Variants in STON2 observed in about 807,000 individuals in gnomAD.
STON2 encodes stonin-2.
A neutral mutation model predicts 65.7 loss-of-function variants in STON2; 29 were observed. The observed-to-expected ratio is 0.44, with a 90% CI of 0.33 to 0.60. The LOEUF (loss-of-function observed/expected upper bound fraction) is 0.60. STON2 is among the 20% of genes least tolerant of loss of function. The pLI, the probability that STON2 is intolerant of heterozygous loss-of-function variation, is 0.03. For synonymous variants in STON2, 404 were observed against 414.2 expected (o/e 0.98, Z 0.30); for missense variants, 1,054 against 1,118.1 (o/e 0.94, Z 0.82).
chr14:81,300,025 T>C (rs10450938), intron 5 of STON2, among the ~76,000 whole-genome samples: 1,737 of 152,122 alleles, frequency 0.011, 42 homozygotes, highest in African/African-American at 0.04. Context: ...AGAAAAATGT[T>C]GTAGGACTCA....
In STON2 at chr14:81,268,181, G is replaced by A. The variant is rs541702230; in HGVS notation, c.*233C>T. 1.2e-5 allele frequency: 13 copies of A among 1,122,014 alleles called. No individual in the cohort carries two copies. In the South Asian group the frequency reaches 1.3e-4, roughly 11 times the overall value. 69.5% of individuals were successfully genotyped at this position (1,122,014 alleles called of 1,614,324 possible). A position where few individuals can be genotyped will look rare whatever the true frequency, so the allele number is the denominator to read the frequency against. On this transcript the variant is annotated 3_prime_UTR_variant, in exon 8 of 8. Transcript: ENST00000614646. ...AAGCTCCAACAGTCAGGTGAACCTC[G>A]TGCTTTAGGCATGACCAGAATCAAA...
At chr14:81,307,668 C>T (rs890948647) in intron 5 of STON2, among the ~76,000 whole-genome samples, 1 of 152,212 alleles carries the variant, frequency 6.6e-6, no homozygotes, top group Non-Finnish European at 1.5e-5. Flanking sequence ...CCCCAGACAA[C>T]CCCTCCTCTT....
chr14:81,348,686 T>G (rs913628568), intron 4 of STON2, among the ~76,000 whole-genome samples: 1 of 152,076 alleles, frequency 6.6e-6, no homozygotes, highest in Admixed American at 6.6e-5. Context: ...AAGCAATCTA[T>G]AGAGTCAATG....
intron 2 of STON2, among the ~76,000 whole-genome samples, chr14:81,426,858 T>C (rs1051186456): frequency 2.6e-5 from 4 of 152,210 alleles, no homozygotes; most frequent in African/African-American, 7.2e-5. Flanking sequence ...TTAACTGAGG[T>C]AGTCACGTAA....
intron 3 of STON2, among the ~76,000 whole-genome samples, chr14:81,375,392 T>C (rs1283910236): frequency 6.6e-6 from 1 of 152,052 alleles, no homozygotes; most frequent in South Asian, 2.1e-4. Flanking sequence ...GGGAAAGCCA[T>C]ATAAGATAAA....
At chr14:81,435,110 T>C (rs574216629) in intron 1 of STON2, among the ~76,000 whole-genome samples, 7 of 152,324 alleles carry the variant, frequency 4.6e-5, no homozygotes, top group African/African-American at 1.7e-4. Flanking sequence ...TTTCACACAA[T>C]ATTCATACCA....
intron 4 of STON2, among the ~76,000 whole-genome samples, chr14:81,346,615 C>T (rs982168376): frequency 6.6e-6 from 1 of 152,180 alleles, no homozygotes; most frequent in Non-Finnish European, 1.5e-5. Flanking sequence ...CTAACAGCTG[C>T]AGCATACAAA....
In STON2 at chr14:81,262,312, A is replaced by ATG. The variant is rs534146696; in HGVS notation, c.*6100_*6101dup. 5.0e-4 allele frequency: 496 copies of ATG among 985,464 alleles called. 2 individuals carry two copies. The South Asian group carries it at 0.018, about 36-fold the overall frequency. 61.0% of individuals were successfully genotyped at this position (985,464 alleles called of 1,614,324 possible). A position where few individuals can be genotyped will look rare whatever the true frequency, so the allele number is the denominator to read the frequency against. On this transcript the variant is annotated 3_prime_UTR_variant, in exon 8 of 8. Transcript: ENST00000614646. ...AGTGACTTTAAATAAACAATCCTCA[A>ATG]TGTCCTCGTGTCTAGCCTTTCCTCC...
At chr14:81,302,757 G>T (rs1308116045) in intron 5 of STON2, among the ~76,000 whole-genome samples, 5 of 152,232 alleles carry the variant, frequency 3.3e-5, no homozygotes, top group Non-Finnish European at 5.9e-5. Context: ...GGCTGTAGGG[G>T]ACAGTGGGAA....
At chr14:81,319,235 T>C (rs1215614792) in intron 5 of STON2, among the ~76,000 whole-genome samples, 2 of 152,244 alleles carry the variant, frequency 1.3e-5, no homozygotes, top group African/African-American at 2.4e-5. Context: ...ACATATGCCA[T>C]AGTAAAATTT....
intron 4 of STON2, among the ~76,000 whole-genome samples, chr14:81,331,469 A>C (rs773434432): frequency 4.0e-4 from 61 of 152,264 alleles, no homozygotes; most frequent in Non-Finnish European, 5.1e-4. Flanking sequence ...TCCAGCATAG[A>C]CTTCTGCAGG....
intron 2 of STON2, among the ~76,000 whole-genome samples, chr14:81,422,996 C>T (rs1158854071): frequency 6.6e-6 from 1 of 151,810 alleles, no homozygotes; most frequent in Non-Finnish European, 1.5e-5. Context: ...GATGGCACCA[C>T]CGCACTCCAG....
At chr14:81,375,918 T>TA (rs756762705) in intron 3 of STON2, among the ~76,000 whole-genome samples, 1 of 150,754 alleles carries the variant, frequency 6.6e-6, no homozygotes, top group Non-Finnish European at 1.5e-5. Flanking sequence ...CTATACTAGA[T>TA]AAAAAACAAT....
At chr14:81,296,325 T>G (rs1204566658) in intron 5 of STON2, among the ~76,000 whole-genome samples, 1 of 152,204 alleles carries the variant, frequency 6.6e-6, no homozygotes, top group African/African-American at 2.4e-5. Context: ...TTTTATGAAG[T>G]AAATTTGATT....
chr14:81,269,025 G>T (rs1417943924), intron 7 of STON2, among the ~76,000 whole-genome samples: 1 of 151,970 alleles, frequency 6.6e-6, no homozygotes, highest in Non-Finnish European at 1.5e-5. Flanking sequence ...TTGAGACAGG[G>T]TCTCATTCTG....
At chr14:81,317,019 C>CA (rs977221623) in intron 5 of STON2, among the ~76,000 whole-genome samples, 40 of 148,842 alleles carry the variant, frequency 2.7e-4, no homozygotes, top group Non-Finnish European at 5.2e-4. Context: ...GACTCTGTCT[C>CA]AAAAAAAAAG....
In STON2 at chr14:81,277,485, G is replaced by A. The variant is rs778433866; in HGVS notation, c.1997C>T (p.Ala666Val). The change falls in exon 6 of 8, where the codon GCA (alanine) becomes GTA (valine). Residue 666 changes from alanine to valine, a missense_variant. Transcript: ENST00000614646. Reference protein sequence around the residue: ...IHILSFLSGLAECRLGLNDIL... With the variant: ...IHILSFLSGLVECRLGLNDIL... ...GTCATTGAGGCCCAGGCGGCACTCTGCGAGCCCAGACAGGAAACTCAGGAT... is the reference window on the plus strand; with the variant it reads ...GTCATTGAGGCCCAGGCGGCACTCTACGAGCCCAGACAGGAAACTCAGGAT... 5 of 1,614,048 alleles carry A rather than the reference G, an allele frequency of 3.1e-6. No homozygotes were observed. Among genetic ancestry groups the A allele is most frequent in the African/African-American group, 1.3e-5 (1 of 74,922 alleles).
chr14:81,414,384 C>T (rs1024557106), intron 2 of STON2, among the ~76,000 whole-genome samples: 3 of 152,076 alleles, frequency 2.0e-5, no homozygotes, highest in Non-Finnish European at 2.9e-5. Flanking sequence ...TGCTCTCACA[C>T]GCCAGGGCAA....
At chr14:81,399,542 C>G (rs1171895187) in intron 1 of STON2, among the ~76,000 whole-genome samples, 2 of 152,142 alleles carry the variant, frequency 1.3e-5, no homozygotes, top group Non-Finnish European at 2.9e-5. Context: ...TAAATAATCT[C>G]TAGGTGGGAA....
Sources: gnomAD v4.1 joint callset for allele counts (sites outside exome capture counted in the v4.1 genomes callset) on GRCh38, gnomAD v4.1.1 for gene constraint, MANE v1.5 for transcripts, NCBI Gene and HGNC (gene_info 2026-07-23, HGNC 2026-07-21) for gene names.